Variants in CTNNA2 observed in about 807,000 individuals in gnomAD.
CTNNA2 encodes the protein catenin alpha-2.
In CTNNA2, 42 loss-of-function variants were observed where a neutral mutation model predicts 101.0. That is an observed-to-expected ratio of 0.42 (90% confidence interval 0.32 to 0.54). The LOEUF (loss-of-function observed/expected upper bound fraction) is 0.54. Ranked by LOEUF, CTNNA2 falls within the 20% of genes least tolerant of loss-of-function variation. The probability of loss-of-function intolerance (pLI) is 0.14; values close to 1 mark genes in which losing one functional copy is unlikely to be tolerated. For missense variants in CTNNA2, 871 were observed against 1,223.1 expected, an observed-to-expected ratio of 0.71 and a Z score of 4.29; for synonymous variants, 450 against 456.4, an observed-to-expected ratio of 0.99 and a Z score of 0.18.
At chr2:79,942,186 C>T (rs1688206128) in intron 7 of CTNNA2, among the ~76,000 whole-genome samples, 1 of 152,148 alleles carries the variant, frequency 6.6e-6, no homozygotes, top group Admixed American at 6.5e-5. Context: ...CACTATCTTG[C>T]CCAGGACCTT....
chr2:79,436,799 T>C (rs1012116316), intron 4 of CTNNA2, among the ~76,000 whole-genome samples: 15 of 151,980 alleles, frequency 9.9e-5, no homozygotes, highest in Admixed American at 5.2e-4. Flanking sequence ...GCCTGGCTAA[T>C]TTTTTGTATT....
In CTNNA2 at chr2:80,393,280, C is replaced by G. The variant is rs767518620; in HGVS notation, c.1126C>G (p.Leu376Val). 6.2e-7 allele frequency: 1 copy of G among 1,607,412 alleles called. No individual in the cohort carries two copies. Among genetic ancestry groups the G allele is most frequent in the Non-Finnish European group, 8.5e-7 (1 of 1,176,278 alleles). ...TAAGATGACTAAGAAAACAAGAGAT[C>G]TAAGGAGACAGGTACTATTTTTTAT... ...IDKMTKKTRD[L>V]RRQLRKAVMD... The change falls in exon 8 of 19, where the codon CTA becomes GTA. Residue 376 changes from leucine (L) to valine (V), a missense_variant. This residue lies in a region of CTNNA2 where 647 missense variants were observed against 831.5 expected (regional missense o/e 0.78). Transcript: ENST00000402739.
At chr2:79,783,899 A>C (rs1674641148) in intron 3 of CTNNA2, among the ~76,000 whole-genome samples, 1 of 152,236 alleles carries the variant, frequency 6.6e-6, no homozygotes, top group Non-Finnish European at 1.5e-5. Flanking sequence ...TTCATTCAAC[A>C]TTTATTGAGC....
intron 15 of CTNNA2, among the ~76,000 whole-genome samples, chr2:80,589,747 C>A (rs894924718): frequency 5.3e-5 from 8 of 151,940 alleles, no homozygotes; most frequent in Non-Finnish European, 1.2e-4. Context: ...AAAATCAAAC[C>A]CCGAGGGACG....
chr2:80,577,390 G>A (rs1695147055), intron 13 of CTNNA2, among the ~76,000 whole-genome samples: 1 of 152,084 alleles, frequency 6.6e-6, no homozygotes, highest in Admixed American at 6.6e-5. Context: ...AAGCCCTAAC[G>A]GTACTCAGGT....
intron 7 of CTNNA2, among the ~76,000 whole-genome samples, chr2:79,955,107 C>A (rs1213172070): frequency 6.6e-6 from 1 of 152,162 alleles, no homozygotes; most frequent in Admixed American, 6.5e-5. Flanking sequence ...CACATATTTT[C>A]ATATTTGACA....
chr2:80,057,215 T>C (rs1212064914), intron 7 of CTNNA2, among the ~76,000 whole-genome samples: 1 of 151,282 alleles, frequency 6.6e-6, no homozygotes, highest in Admixed American at 6.6e-5. Context: ...CATAACTCTG[T>C]AGATTCAAGA....
chr2:79,288,624 C>G (rs762763144), intron 2 of CTNNA2, among the ~76,000 whole-genome samples: 5 of 152,160 alleles, frequency 3.3e-5, no homozygotes, highest in Non-Finnish European at 7.3e-5. Context: ...TCCACATGGT[C>G]TTTCCATGTG....
chr2:79,372,632 CA>C (rs1339578865), intron 3 of CTNNA2, among the ~76,000 whole-genome samples: 1 of 152,126 alleles, frequency 6.6e-6, no homozygotes, highest in Non-Finnish European at 1.5e-5. Context: ...AAAAGGGGGA[CA>C]GGGGAGAAGC....
At chr2:80,371,243 C>A (rs1053447745) in intron 7 of CTNNA2, among the ~76,000 whole-genome samples, 2 of 152,130 alleles carry the variant, frequency 1.3e-5, no homozygotes, top group African/African-American at 2.4e-5. Context: ...TCCATCATTA[C>A]ACAGCAAAAG....
At chr2:79,437,695 C>T (rs1238650609) in intron 4 of CTNNA2, among the ~76,000 whole-genome samples, 1 of 152,222 alleles carries the variant, frequency 6.6e-6, no homozygotes, top group Non-Finnish European at 1.5e-5. Context: ...GCACTTCCTT[C>T]TCTGAATATG....
rs150809691 is a variant in CTNNA2 at position 79,831,640 on chromosome 2, G to T, written c.299-26373G>T. Among the ~76,000 whole-genome samples, 154 of 151,052 alleles carry T rather than the reference G, an allele frequency of 1.0e-3. 4 individuals carry two copies. The East Asian group carries it at 0.025, about 25-fold the overall frequency. On this transcript the variant is annotated intron_variant, in intron 3 of 18. Transcript: ENST00000402739. Reference sequence around the variant, plus strand: ...TTTCTTTTATAAAGATTGTTGCGAGGTAATTGGTAATTCAGCTATTTCCTC... The same window carrying T: ...TTTCTTTTATAAAGATTGTTGCGAGTTAATTGGTAATTCAGCTATTTCCTC...
chr2:79,982,395 C>CAT lies in CTNNA2; in HGVS notation c.1056+72604_1056+72605dup, dbSNP rs1356656166. ...TATATAACATATATAACATATATAA[C>CAT]ATATATAACATATAACACATATATA... On this transcript the variant is annotated intron_variant, in intron 7 of 18. Coordinates refer to ENST00000402739, the MANE Select transcript of CTNNA2 (RefSeq NM_001282597.3). 1.4e-4 allele frequency among the ~76,000 whole-genome samples: 20 copies of CAT among 139,222 alleles called. No individual in the cohort carries two copies. The East Asian group carries it at 2.0e-3, about 14-fold the overall frequency. The allele number at this position is 139,222 out of a possible 152,430, so 91.3% of individuals were successfully genotyped here. A position where few individuals can be genotyped will look rare whatever the true frequency, so the allele number is the denominator to read the frequency against.
intron 7 of CTNNA2, among the ~76,000 whole-genome samples, chr2:80,046,934 ATTATTTTTGTGGAATG>A (rs1019618333): frequency 6.6e-6 from 1 of 152,170 alleles, no homozygotes; most frequent in Non-Finnish European, 1.5e-5. Flanking sequence ...CAGCTGGATA[ATTATTTTTGTGGAATG>A]TTATCCTATG....
At chr2:79,880,196 A>G (rs1683320089) in intron 6 of CTNNA2, among the ~76,000 whole-genome samples, 1 of 151,920 alleles carries the variant, frequency 6.6e-6, no homozygotes, top group South Asian at 2.1e-4. Context: ...TAAGTTTTTT[A>G]TGTGCTGCTG....
chr2:79,554,017 TG>T (rs1388447657), intron 1 of CTNNA2, among the ~76,000 whole-genome samples: 8 of 152,170 alleles, frequency 5.3e-5, no homozygotes. Flanking sequence ...CCAAGGTTTT[TG>T]TTTTCCTTTC....
chr2:80,010,347 T>G (rs538768366), intron 7 of CTNNA2, among the ~76,000 whole-genome samples: 3 of 152,184 alleles, frequency 2.0e-5, no homozygotes. Flanking sequence ...TGAGACAGGG[T>G]CTCACTCTGT....
rs17765343 is a variant in CTNNA2 at position 79,587,764 on chromosome 2, G to A, written c.-5-63788G>A. Among the ~76,000 whole-genome samples, 1,264 of 152,258 alleles carry A rather than the reference G, an allele frequency of 8.3e-3. 6 individuals are homozygous for A. Among genetic ancestry groups the A allele is most frequent in the Non-Finnish European group, 0.011 (762 of 68,030 alleles). On this transcript the variant is annotated intron_variant, in intron 1 of 18. Coordinates refer to ENST00000402739, the MANE Select transcript of CTNNA2 (RefSeq NM_001282597.3). Reference sequence around the variant, plus strand: ...AACTTTTTGTAAGGGCAGTTCCTCAGCATCGCCTGGGTTTCCTCTCTAAAC... The same window carrying A: ...AACTTTTTGTAAGGGCAGTTCCTCAACATCGCCTGGGTTTCCTCTCTAAAC...
intron 7 of CTNNA2, among the ~76,000 whole-genome samples, chr2:80,249,953 C>A (rs1671625186): frequency 6.6e-6 from 1 of 151,682 alleles, no homozygotes; most frequent in Non-Finnish European, 1.5e-5. Context: ...CTATTATTTT[C>A]TGAAGCAATT....
Sources: gnomAD v4.1 joint callset for allele counts (sites outside exome capture counted in the v4.1 genomes callset) on GRCh38, gnomAD v4.1.1 for gene constraint, gnomAD v4.1.1 regional missense constraint, MANE v1.5 for transcripts, NCBI Gene and HGNC (gene_info 2026-07-23, HGNC 2026-07-21) for gene names.